Variants in XIRP2 observed in about 807,000 individuals in gnomAD.
XIRP2 encodes xin actin-binding repeat-containing protein 2.
A neutral mutation model predicts 277.0 loss-of-function variants in XIRP2; 236 were observed. The ratio of observed to expected loss-of-function variants is 0.85; its 90% CI spans 0.77 to 0.95. XIRP2 has a LOEUF of 0.95. Ranked by LOEUF, XIRP2 falls within the 40% of genes least tolerant of loss-of-function variation. XIRP2 has a pLI of 0.00. For synonymous variants in XIRP2, 1,490 were observed against 1,416.5 expected (o/e 1.05, Z -1.17); for missense variants, 4,640 against 4,157.5 (o/e 1.12, Z -3.19).
intron 5 of XIRP2, among the ~76,000 whole-genome samples, chr2:167,227,200 T>A (rs1359523311): frequency 6.6e-6 from 1 of 152,168 alleles, no homozygotes; most frequent in Non-Finnish European, 1.5e-5. Flanking sequence ...ATGTTGACAT[T>A]TCTCTTGAGA....
Position 167,248,217 on chromosome 2 carries a change from CT to C in XIRP2, c.6828del (p.Phe2276LeufsTer7), listed in dbSNP as rs771466615. On this transcript the variant is annotated frameshift_variant, in exon 9 of 11. Transcript: ENST00000409195. LOFTEE classifies it high-confidence loss of function. ...TGGAAAGGTCCTTGAATCCAATCAA[CT>C]TTAACCCTGAGAATAATGTAAAAGA... ...AMERSLNPINFNPENNVKESE... is the reference protein window; with the variant it reads ...AMERSLNPINXNPENNVKESE... The C allele has an allele frequency of 3.1e-6, 5 of 1,613,728 alleles. No homozygotes were observed. The East Asian group carries it at 8.9e-5, about 29-fold the overall frequency.
Position 167,245,536 on chromosome 2 carries a change from G to C in XIRP2, c.4144G>C (p.Gly1382Arg). 6.2e-7 allele frequency: 1 copy of C among 1,613,522 alleles called. No individual in the cohort carries two copies. The highest frequency in any genetic ancestry group is 1.3e-5 in the African/African-American group (1 of 74,996). ...KSVTQEDIQK[G>R]DVSSVRYRFE... ...TGTCACACAAGAAGACATTCAGAAG[G>C]GAGATGTTAGTTCTGTCAGATACAG... is the stretch of plus-strand genomic sequence containing the variant. Residue 1382 changes from glycine (G) to arginine (R), a missense_variant, in exon 9 of 11, where the codon GGA (glycine) becomes CGA (arginine). Transcript: ENST00000409195.
intron 2 of XIRP2, among the ~76,000 whole-genome samples, chr2:166,923,145 T>C (rs1383031064): frequency 6.6e-6 from 1 of 152,102 alleles, no homozygotes; most frequent in Non-Finnish European, 1.5e-5. Flanking sequence ...TTAGGAGTGG[T>C]AGCTAAAGTA....
chr2:166,935,368 A>T (rs1419254936), intron 2 of XIRP2, among the ~76,000 whole-genome samples: 1 of 152,216 alleles, frequency 6.6e-6, no homozygotes, highest in Non-Finnish European at 1.5e-5. Flanking sequence ...ACAGATAGCT[A>T]GAAAGAGGGA....
At chr2:167,186,998 T>C (rs1409153221) in intron 3 of XIRP2, among the ~76,000 whole-genome samples, 1 of 152,128 alleles carries the variant, frequency 6.6e-6, no homozygotes, top group African/African-American at 2.4e-5. Flanking sequence ...AAATGGAAAC[T>C]TTTTCCACCT....
intron 2 of XIRP2, among the ~76,000 whole-genome samples, chr2:167,072,107 A>T (rs1265267157): frequency 6.6e-6 from 1 of 152,158 alleles, no homozygotes; most frequent in Non-Finnish European, 1.5e-5. Context: ...ATATAATATA[A>T]GCATATGCCA....
At chr2:167,129,881 A>AAAG (rs1691325523) in intron 2 of XIRP2, among the ~76,000 whole-genome samples, 1 of 151,136 alleles carries the variant, frequency 6.6e-6, no homozygotes, top group African/African-American at 2.4e-5. Context: ...AAAAAAAAAA[A>AAAG]AAAAGAAAAG....
At chr2:167,146,781 C>T (rs1056899961) in intron 3 of XIRP2, among the ~76,000 whole-genome samples, 14 of 151,998 alleles carry the variant, frequency 9.2e-5, no homozygotes, top group Middle Eastern at 3.4e-3. Flanking sequence ...GAAGGCATAT[C>T]ATAGTAAATA....
intron 2 of XIRP2, among the ~76,000 whole-genome samples, chr2:167,114,729 A>G (rs894381180): frequency 3.9e-5 from 6 of 152,000 alleles, no homozygotes; most frequent in Non-Finnish European, 5.9e-5. Flanking sequence ...GTTTACTGAG[A>G]ATGATGATTT....
At chr2:167,225,140 T>G (rs1166737131) in intron 5 of XIRP2, among the ~76,000 whole-genome samples, 5 of 152,206 alleles carry the variant, frequency 3.3e-5, no homozygotes, top group Non-Finnish European at 1.5e-5. Flanking sequence ...ATTTGTTTTC[T>G]TAAGTGGGAA....
chr2:167,032,290 C>A (rs1028945973), intron 2 of XIRP2, among the ~76,000 whole-genome samples: 1 of 151,446 alleles, frequency 6.6e-6, no homozygotes, highest in African/African-American at 2.4e-5. Flanking sequence ...TTACACCTTA[C>A]ACAAAAATTA....
chr2:167,130,856 CCAAACT>C (rs1691353302), intron 2 of XIRP2, among the ~76,000 whole-genome samples: 3 of 151,890 alleles, frequency 2.0e-5, no homozygotes, highest in Admixed American at 2.0e-4. Flanking sequence ...TTCTCATTGC[CCAAACT>C]AGAACTATGG....
intron 2 of XIRP2, among the ~76,000 whole-genome samples, chr2:167,132,511 T>TAC (rs35636231): frequency 0.12 from 17,078 of 146,178 alleles, 977 homozygotes; most frequent in Non-Finnish European, 0.13. Context: ...TGCATGTGTA[T>TAC]ACACACACAC....
chr2:167,217,436 G>A (rs1465346130), intron 4 of XIRP2, among the ~76,000 whole-genome samples: 2 of 152,178 alleles, frequency 1.3e-5, no homozygotes, highest in East Asian at 1.9e-4. Flanking sequence ...TGTAGCTGCT[G>A]GTTTTCTGCC....
intron 2 of XIRP2, among the ~76,000 whole-genome samples, chr2:167,035,089 T>A (rs1447242481): frequency 6.6e-6 from 1 of 152,210 alleles, no homozygotes; most frequent in East Asian, 1.9e-4. Context: ...CCCAGCCATG[T>A]GGAACTGTAA....
At chr2:166,977,065 T>C (rs1686734685) in intron 2 of XIRP2, among the ~76,000 whole-genome samples, 1 of 152,204 alleles carries the variant, frequency 6.6e-6, no homozygotes, top group Admixed American at 6.5e-5. Flanking sequence ...CAACCATTGC[T>C]CATATGATTG....
chr2:167,160,919 A>C (rs1692344786), intron 3 of XIRP2, among the ~76,000 whole-genome samples: 1 of 152,228 alleles, frequency 6.6e-6, no homozygotes, highest in African/African-American at 2.4e-5. Flanking sequence ...CAAGTTAGTT[A>C]CTTCCTAGAT....
intron 3 of XIRP2, among the ~76,000 whole-genome samples, chr2:167,136,491 CAATT>C (rs1691556390): frequency 6.6e-6 from 1 of 152,118 alleles, no homozygotes; most frequent in African/African-American, 2.4e-5. Context: ...CCTTTTCAGA[CAATT>C]AAACTAAACT....
At chr2:167,159,073 C>T (rs1297188916) in intron 3 of XIRP2, among the ~76,000 whole-genome samples, 1 of 152,132 alleles carries the variant, frequency 6.6e-6, no homozygotes, top group African/African-American at 2.4e-5. Flanking sequence ...TACCATGGCC[C>T]ACCGGATGGT....
Sources: gnomAD v4.1 joint callset for allele counts (sites outside exome capture counted in the v4.1 genomes callset) on GRCh38, gnomAD v4.1.1 for gene constraint, MANE v1.5 for transcripts, NCBI Gene and HGNC (gene_info 2026-07-23, HGNC 2026-07-21) for gene names.